The following ROBO1 variants were observed in gnomAD, a reference collection of about 807,000 sequenced individuals.
ROBO1 encodes roundabout homolog 1.
A neutral mutation model predicts 195.9 loss-of-function variants in ROBO1; 149 were observed. The observed-to-expected ratio is 0.76, with a 90% CI of 0.67 to 0.87. The LOEUF (loss-of-function observed/expected upper bound fraction) is 0.87, where lower values mean the gene tolerates loss of function less well. Ranked by LOEUF, ROBO1 falls within the 40% of genes least tolerant of loss-of-function variation. The pLI is 0.00. For synonymous variants in ROBO1, 816 were observed against 733.2 expected (o/e 1.11, Z -1.82); for missense variants, 1,933 against 2,068.3 (o/e 0.93, Z 1.27).
chr3:79,597,167 C>G (rs6548631), intron 1 of ROBO1, among the ~76,000 whole-genome samples: 25,302 of 151,518 alleles, frequency 0.17, 3,306 homozygotes, highest in African/African-American at 0.36. Context: ...ACTGACTAAT[C>G]TACACCTACT....
At chr3:79,566,833 G>A (rs926684173) in intron 2 of ROBO1, among the ~76,000 whole-genome samples, 1 of 152,090 alleles carries the variant, frequency 6.6e-6, no homozygotes, top group African/African-American at 2.4e-5. Context: ...ACTGCTGGTG[G>A]GAGTGTAAAT....
chr3:79,573,330 A>T (rs1215978649), intron 2 of ROBO1, among the ~76,000 whole-genome samples: 1 of 151,936 alleles, frequency 6.6e-6, no homozygotes, highest in African/African-American at 2.4e-5. Context: ...GGATGACAAA[A>T]TTTTTTTTCA....
intron 2 of ROBO1, among the ~76,000 whole-genome samples, chr3:79,475,661 T>A (rs1365450011): frequency 6.6e-6 from 1 of 152,106 alleles, no homozygotes; most frequent in Non-Finnish European, 1.5e-5. Context: ...GGATGATTTT[T>A]AGTAGGTTTT....
At chr3:78,664,279 A>C (rs1388628817) in intron 14 of ROBO1, among the ~76,000 whole-genome samples, 1 of 152,238 alleles carries the variant, frequency 6.6e-6, no homozygotes, top group African/African-American at 2.4e-5. Context: ...CCCCAACGTT[A>C]AAACTTCGTA....
At position 78,746,772 on chromosome 3, in the gene ROBO1, GA is replaced by G; in HGVS notation, c.627del (p.Pro210HisfsTer9). On this transcript the variant is annotated frameshift_variant, in exon 5 of 31. Coordinates refer to ENST00000464233, the MANE Select transcript of ROBO1 (RefSeq NM_002941.4). LOFTEE classifies it high-confidence loss of function. The part of the protein sequence containing the change: ...EPTISWKKDG[S>X]PLDDKDERIT... ...ATTCTTTCATCTTTATCATCCAGTG[GA>G]GAGCCATCTTTCTTCCATGAAATGG... 6.4e-7 allele frequency: 1 copy of G among 1,571,492 alleles called. No individual in the cohort carries two copies. Among genetic ancestry groups the G allele is most frequent in the Non-Finnish European group, 8.7e-7 (1 of 1,152,314 alleles).
chr3:79,645,687 A>G (rs1213288170), intron 1 of ROBO1, among the ~76,000 whole-genome samples: 4 of 152,118 alleles, frequency 2.6e-5, no homozygotes, highest in South Asian at 2.1e-4. Context: ...GCAAAAAGCA[A>G]AACTGGAGGC....
At chr3:78,902,338 C>T (rs2037639253) in intron 4 of ROBO1, among the ~76,000 whole-genome samples, 1 of 152,048 alleles carries the variant, frequency 6.6e-6, no homozygotes, top group Admixed American at 6.6e-5. Context: ...TATCATATTG[C>T]TATATCCATT....
chr3:79,606,123 C>T (rs571431034), intron 1 of ROBO1, among the ~76,000 whole-genome samples: 2 of 150,512 alleles, frequency 1.3e-5, no homozygotes, highest in East Asian at 3.9e-4. Flanking sequence ...TTAATTTACT[C>T]ATTTAAAAAA....
intron 30 of ROBO1, chr3:78,599,899 T>C: frequency 3.4e-6 from 2 of 589,538 alleles, no homozygotes; most frequent in Non-Finnish European, 6.0e-6. Context: ...AAACCCTAGC[T>C]AAACAAATAA....
chr3:79,363,213 G>A (rs1245291267), intron 2 of ROBO1, among the ~76,000 whole-genome samples: 7 of 152,166 alleles, frequency 4.6e-5, no homozygotes, highest in African/African-American at 1.7e-4. Flanking sequence ...TCTTAGCCAT[G>A]ATGAGTTTTC....
intron 4 of ROBO1, among the ~76,000 whole-genome samples, chr3:78,916,245 CA>C (rs34944563): frequency 2.3e-3 from 213 of 91,928 alleles, no homozygotes; most frequent in East Asian, 3.4e-3. Context: ...GAGACTCCGT[CA>C]AAAAAAAAAA....
intron 4 of ROBO1, among the ~76,000 whole-genome samples, chr3:78,902,960 A>G (rs2037674953): frequency 6.6e-6 from 1 of 152,176 alleles, no homozygotes; most frequent in Non-Finnish European, 1.5e-5. Flanking sequence ...TTATTTTCAC[A>G]CCTAAGCCAC....
chr3:79,384,834 C>G (rs2106652844), intron 2 of ROBO1, among the ~76,000 whole-genome samples: 1 of 152,070 alleles, frequency 6.6e-6, no homozygotes, highest in South Asian at 2.1e-4. Flanking sequence ...ACTAAGAATA[C>G]TTTATCTCAA....
intron 1 of ROBO1, among the ~76,000 whole-genome samples, chr3:79,710,785 A>G (rs1404830005): frequency 2.0e-5 from 3 of 152,200 alleles, no homozygotes; most frequent in Non-Finnish European, 2.9e-5. Context: ...TATATCAGAC[A>G]GTGGATATTT....
intron 1 of ROBO1, among the ~76,000 whole-genome samples, chr3:79,626,146 T>G (rs1945171954): frequency 6.6e-6 from 1 of 152,128 alleles, no homozygotes; most frequent in South Asian, 2.1e-4. Context: ...TTCAACATCC[T>G]TTCATGTTAA....
chr3:79,222,101 T>A (rs2082149618), intron 2 of ROBO1, among the ~76,000 whole-genome samples: 1 of 152,068 alleles, frequency 6.6e-6, no homozygotes, highest in Non-Finnish European at 1.5e-5. Flanking sequence ...GATTTGTAAT[T>A]CTTCACTATA....
chr3:78,740,687 T>A (rs966655416), intron 5 of ROBO1, among the ~76,000 whole-genome samples: 1 of 152,008 alleles, frequency 6.6e-6, no homozygotes, highest in Admixed American at 6.6e-5. Flanking sequence ...TTGGTCAGGC[T>A]GGTCTTGAAC....
intron 1 of ROBO1, among the ~76,000 whole-genome samples, chr3:79,668,962 T>C (rs537469476): frequency 1.2e-4 from 19 of 152,036 alleles, no homozygotes; most frequent in Non-Finnish European, 2.2e-4. Flanking sequence ...TCAACATGTG[T>C]ACAATGGTGG....
chr3:78,711,358 C>CTTT (rs1559772896), intron 8 of ROBO1, among the ~76,000 whole-genome samples: 4 of 63,984 alleles, frequency 6.3e-5, no homozygotes, highest in African/African-American at 2.4e-4. Context: ...CTCCTTCCTT[C>CTTT]CTTCCTTCCT....
Sources: allele counts gnomAD v4.1 joint callset (sites outside exome capture counted in the v4.1 genomes callset), GRCh38; gene constraint gnomAD v4.1.1; transcripts MANE v1.5; gene names NCBI Gene and HGNC (gene_info 2026-07-23, HGNC 2026-07-21).